Variants in MTHFD1L observed in about 807,000 individuals in gnomAD.
MTHFD1L encodes the protein monofunctional C1-tetrahydrofolate synthase, mitochondrial.
A neutral mutation model predicts 119.5 loss-of-function variants in MTHFD1L; 81 were observed. The observed-to-expected ratio is 0.68, with a 90% CI of 0.57 to 0.82. The LOEUF is 0.82. Ranked by LOEUF, MTHFD1L falls within the 40% of genes least tolerant of loss-of-function variation. The pLI, the probability that MTHFD1L is intolerant of heterozygous loss-of-function variation, is 0.00. For missense variants in MTHFD1L, 1,125 were observed against 1,253.4 expected (o/e 0.90, Z 1.55); for synonymous variants, 430 against 475.2 (o/e 0.90, Z 1.24).
At chr6:151,059,726 G>A (rs568442425) in intron 26 of MTHFD1L, among the ~76,000 whole-genome samples, 1 of 152,306 alleles carries the variant, frequency 6.6e-6, no homozygotes, top group African/African-American at 2.4e-5. Context: ...TGGAAATGAT[G>A]CTGCATTTCC....
At chr6:150,946,555 G>A (rs1030827182) in intron 15 of MTHFD1L, among the ~76,000 whole-genome samples, 2 of 152,066 alleles carry the variant, frequency 1.3e-5, no homozygotes, top group Non-Finnish European at 2.9e-5. Context: ...GCTGCCTCTG[G>A]TCTTCTAATC....
At chr6:150,906,517 T>G (rs1431403625) in intron 8 of MTHFD1L, among the ~76,000 whole-genome samples, 1 of 152,166 alleles carries the variant, frequency 6.6e-6, no homozygotes, top group Non-Finnish European at 1.5e-5. Flanking sequence ...AGTCCCTGAG[T>G]AGCACAGGTG....
At chr6:150,965,619 C>A (rs996788415) in intron 19 of MTHFD1L, among the ~76,000 whole-genome samples, 4 of 151,374 alleles carry the variant, frequency 2.6e-5, no homozygotes, top group Non-Finnish European at 2.9e-5. Flanking sequence ...TGAGATCGCA[C>A]CACCGCACTC....
Position 150,905,714 on chromosome 6 carries a change from T to A in MTHFD1L, c.845T>A (p.Ile282Lys). 1 of 1,614,212 alleles carries A rather than the reference T, an allele frequency of 6.2e-7. No homozygotes were observed. ...CCAGAAGAGATTCCCCTTACTTGGA[T>A]ACAACCAGGAACTACTGTTCTCAAC... Reference protein sequence around the residue: ...PKPEEIPLTWIQPGTTVLNCS... With the variant: ...PKPEEIPLTWKQPGTTVLNCS... Residue 282 changes from isoleucine to lysine, a missense_variant, in exon 8 of 28, where the codon ATA (isoleucine) becomes AAA (lysine). Physicochemically the swap from Ile to Lys is moderately radical, Grantham distance 102 (BLOSUM62 -3). This residue lies in a region of MTHFD1L where 1,058 missense variants were observed against 1,151.2 expected (regional missense o/e 0.92). Coordinates refer to ENST00000367321, the MANE Select transcript of MTHFD1L (RefSeq NM_015440.5).
At chr6:150,923,531 T>TTATTTATTTATC in intron 10 of MTHFD1L, among the ~76,000 whole-genome samples, 1 of 136,820 alleles carries the variant, frequency 7.3e-6, no homozygotes, top group African/African-American at 3.0e-5. Flanking sequence ...ATTTATTTAT[T>TTATTTATTTATC]TATTTATTTT....
chr6:151,004,709 T>G (rs1394999308), intron 20 of MTHFD1L, among the ~76,000 whole-genome samples: 1 of 152,236 alleles, frequency 6.6e-6, no homozygotes, highest in Non-Finnish European at 1.5e-5. Context: ...CTTTCTCAGC[T>G]GATTACGGGT....
chr6:151,022,023 G>A (rs545635546), intron 24 of MTHFD1L: 6 of 471,140 alleles, frequency 1.3e-5, no homozygotes, highest in African/African-American at 1.0e-4. Flanking sequence ...TGTTCCTTGC[G>A]TGAAGCCATT....
chr6:150,901,505 G>A (rs1785095181), intron 7 of MTHFD1L, among the ~76,000 whole-genome samples: 1 of 152,088 alleles, frequency 6.6e-6, no homozygotes, highest in Admixed American at 6.6e-5. Flanking sequence ...ATTAAATAAA[G>A]CCTTGTGAAG....
At chr6:150,875,665 C>T (rs1780321368) in intron 1 of MTHFD1L, among the ~76,000 whole-genome samples, 1 of 151,954 alleles carries the variant, frequency 6.6e-6, no homozygotes, top group African/African-American at 2.4e-5. Flanking sequence ...CCCCCTAATC[C>T]CCTGTCTTCA....
At chr6:151,082,894 C>G (rs577399848) in intron 26 of MTHFD1L, among the ~76,000 whole-genome samples, 1 of 152,242 alleles carries the variant, frequency 6.6e-6, no homozygotes, top group South Asian at 2.1e-4. Context: ...GGGTAGAGTC[C>G]CCTGTCTCCC....
At chr6:150,904,857 T>C (rs966988554) in intron 7 of MTHFD1L, among the ~76,000 whole-genome samples, 2 of 152,038 alleles carry the variant, frequency 1.3e-5, no homozygotes, top group Non-Finnish European at 2.9e-5. Context: ...AAAAAATGAA[T>C]GGTTGGACAA....
intron 8 of MTHFD1L, among the ~76,000 whole-genome samples, chr6:150,908,556 G>A (rs1191615504): frequency 2.6e-5 from 4 of 151,626 alleles, no homozygotes; most frequent in Admixed American, 2.0e-4. Context: ...GAACCCAGGA[G>A]GTGGAGGTTG....
chr6:151,028,167 CCGT>C (rs1417156112), intron 24 of MTHFD1L, among the ~76,000 whole-genome samples: 5 of 152,096 alleles, frequency 3.3e-5, no homozygotes, highest in African/African-American at 1.2e-4. Context: ...CCTCACAGTA[CCGT>C]CATGTGTGGG....
chr6:150,909,266 TAAA>T (rs74724132), intron 8 of MTHFD1L, among the ~76,000 whole-genome samples: 1 of 140,370 alleles, frequency 7.1e-6, no homozygotes, highest in Non-Finnish European at 1.6e-5. Context: ...GTAACTACTT[TAAA>T]AAAAAAAAAA....
rs1795575160 is a variant in MTHFD1L at position 150,955,934 on chromosome 6, G to GAC, written c.1727-54_1727-53dup. 27 of 1,431,718 alleles carry GAC rather than the reference G, an allele frequency of 1.9e-5. No homozygotes were observed. The South Asian group carries it at 2.9e-4, about 15-fold the overall frequency. The allele number at this position is 1,431,718 out of a possible 1,614,324, so 88.7% of individuals were successfully genotyped here. ...CTTCCTGAGCATCAGAACAATGCCA[G>GAC]ACACACACCAGGTGGCTGGTCCATA... On this transcript the variant is annotated intron_variant, in intron 16 of 27. Coordinates refer to ENST00000367321, the MANE Select transcript of MTHFD1L (RefSeq NM_015440.5).
In MTHFD1L at chr6:151,013,779, G is replaced by A; in HGVS notation, c.2266G>A (p.Val756Ile). The A allele has an allele frequency of 6.2e-7, 1 of 1,611,704 alleles. No homozygotes were observed. Among genetic ancestry groups the A allele is most frequent in the Non-Finnish European group, 8.5e-7 (1 of 1,178,306 alleles). ...ALKMHGGGPS[V>I]TAGVPLKKEY... ...TTCATGTTTTCTCTCCTTATTTCAG[G>A]TAACGGCTGGTGTTCCTCTTAAGAA... The change falls in exon 22 of 28, where the codon GTA becomes ATA. Residue 756 changes from valine (V) to isoleucine (I), a missense_variant and splice_region_variant. Around this residue, in one of 3 missense-constraint regions of MTHFD1L, gnomAD observed 1,058 missense variants for 1,151.2 expected, o/e 0.92. Transcript: ENST00000367321.
At chr6:150,918,839 G>T (rs918451505) in intron 9 of MTHFD1L, among the ~76,000 whole-genome samples, 171 bp downstream of exon 9, 7 of 152,164 alleles carry the variant, frequency 4.6e-5, no homozygotes, top group African/African-American at 1.7e-4. Flanking sequence ...GAAGTGAGTT[G>T]CCTATGATCA....
At chr6:150,957,036 G>A (rs1738586) in intron 17 of MTHFD1L, among the ~76,000 whole-genome samples, 43,153 of 152,050 alleles carry the variant, frequency 0.28, 6,470 homozygotes, top group East Asian at 0.49. Context: ...TAAAAGGACA[G>A]CCCAAAATAT....
At chr6:150,886,295 G>A (rs975443401) in intron 6 of MTHFD1L, among the ~76,000 whole-genome samples, 2 of 152,112 alleles carry the variant, frequency 1.3e-5, no homozygotes, top group East Asian at 1.9e-4. Context: ...AATTAGCTGG[G>A]TATGGTGGTG....
Sources: gnomAD v4.1 joint callset for allele counts (sites outside exome capture counted in the v4.1 genomes callset) on GRCh38, gnomAD v4.1.1 for gene constraint, gnomAD v4.1.1 regional missense constraint, MANE v1.5 for transcripts, NCBI Gene and HGNC (gene_info 2026-07-23, HGNC 2026-07-21) for gene names.